STK32B: variants seen among roughly 807,000 people sequenced by gnomAD.
STK32B encodes serine/threonine kinase 32B, also known as serine/threonine-protein kinase 32B.
Under a neutral mutation model 52.6 loss-of-function variants are expected in STK32B, and 43 were observed. The observed-to-expected ratio is 0.82, with a 90% CI of 0.64 to 1.05. The LOEUF is 1.05. Among genes scored for constraint, STK32B ranks in the 50% least tolerant of loss-of-function variants. The pLI is 0.00. For missense variants in STK32B, 621 were observed against 534.6 expected (o/e 1.16, Z -1.59); for synonymous variants, 238 against 204.3 (o/e 1.17, Z -1.41).
Position 5,371,002 on chromosome 4 carries a change from A to ATATATATATGTATATATATG in STK32B, c.435-27203_435-27184dup, listed in dbSNP as rs1012001648. ...TATATATATGTGTGTGTGTGTATAT[A>ATATATATATGTATATATATG]TATATATATGTATATATATGTGTAT... On this transcript the variant is annotated intron_variant, in intron 4 of 11. Transcript: ENST00000282908. Among the ~76,000 whole-genome samples, 7 of 118,440 alleles carry ATATATATATGTATATATATG rather than the reference A, an allele frequency of 5.9e-5. No individual in the cohort carries two copies. The East Asian group carries it at 1.6e-3, about 27-fold the overall frequency. The allele number at this position is 118,440 out of a possible 152,430, so 77.7% of individuals were successfully genotyped here.
At chr4:5,221,762 A>G (rs753794937) in intron 3 of STK32B, among the ~76,000 whole-genome samples, 13 of 151,084 alleles carry the variant, frequency 8.6e-5, no homozygotes, top group Non-Finnish European at 1.6e-4. Flanking sequence ...AGACTGAGGC[A>G]GGAGAATCAC....
intron 11 of STK32B, among the ~76,000 whole-genome samples, chr4:5,482,267 G>C (rs1198137238): frequency 6.6e-6 from 1 of 152,164 alleles, no homozygotes; most frequent in Non-Finnish European, 1.5e-5. Context: ...TCGTTGAGCA[G>C]TGGTTTGTAG....
chr4:5,433,637 C>A (rs981562324), intron 6 of STK32B, among the ~76,000 whole-genome samples: 3 of 152,182 alleles, frequency 2.0e-5, no homozygotes, highest in African/African-American at 7.2e-5. Flanking sequence ...TTTAGTAATT[C>A]TGTGTTCCCA....
chr4:5,251,829 C>A (rs1229061065), intron 3 of STK32B, among the ~76,000 whole-genome samples: 1 of 151,978 alleles, frequency 6.6e-6, no homozygotes, highest in Non-Finnish European at 1.5e-5. Context: ...TCATTTTTTT[C>A]TCTTAATTTG....
intron 1 of STK32B, among the ~76,000 whole-genome samples, chr4:5,098,280 A>G (rs576241228): frequency 6.6e-6 from 1 of 152,352 alleles, no homozygotes; most frequent in South Asian, 2.1e-4. Flanking sequence ...ACAGTACTAC[A>G]GGAAAGGAAA....
chr4:5,074,355 G>C (rs1711958404), intron 1 of STK32B, among the ~76,000 whole-genome samples: 2 of 151,780 alleles, frequency 1.3e-5, no homozygotes. Context: ...ATATTTTCTA[G>C]TTCTAGGACT....
At chr4:5,064,005 T>C (rs1742315395) in intron 1 of STK32B, among the ~76,000 whole-genome samples, 2 of 152,132 alleles carry the variant, frequency 1.3e-5, no homozygotes, top group Non-Finnish European at 2.9e-5. Flanking sequence ...GTAGTCTGTC[T>C]TCTTTGATTG....
At chr4:5,339,972 A>G (rs887135653) in intron 4 of STK32B, among the ~76,000 whole-genome samples, 2 of 152,210 alleles carry the variant, frequency 1.3e-5, no homozygotes, top group South Asian at 2.1e-4. Flanking sequence ...GGATGGTGTT[A>G]TAGATCTTTA....
Position 5,399,786 on chromosome 4 carries a change from G to C in STK32B, c.472+1542G>C, listed in dbSNP as rs112201824. On this transcript the variant is annotated intron_variant, in intron 5 of 11. Coordinates refer to ENST00000282908, the MANE Select transcript of STK32B (RefSeq NM_018401.3). This position sits in a 1 kb window ranked among gnomAD's most constrained non-coding sequence, Gnocchi z 5.4. ...GAATGTCTCATCTCGGGTGAGACTC[G>C]AAGGTCAGCCACCCATCACAGTATG... is the stretch of plus-strand genomic sequence containing the variant. Among the ~76,000 whole-genome samples the C allele has an allele frequency of 2.0e-5, 3 of 152,100 alleles. No homozygotes were observed. The highest frequency in any genetic ancestry group is 4.4e-5 in the Non-Finnish European group (3 of 68,008).
Position 5,230,208 on chromosome 4 carries a change from T to TTTTG in STK32B, c.260+61759_260+61760insTTGT, listed in dbSNP as rs58022709. Among the ~76,000 whole-genome samples the TTTTG allele has an allele frequency of 2.4e-3, 246 of 103,448 alleles. 15 individuals carry two copies. Among genetic ancestry groups the TTTTG allele is most frequent in the Admixed American group, 7.3e-3 (60 of 8,226 alleles). The allele number at this position is 103,448 out of a possible 152,430, so 67.9% of individuals were successfully genotyped here. On this transcript the variant is annotated intron_variant, in intron 3 of 11. Transcript: ENST00000282908. ...TTTTTTTTTTTTTTTTTTTTTTTTT[T>TTTTG]TAGTGGAGTCTTGCACCGTCGCCCA...
chr4:5,292,753 G>A (rs914178473), intron 3 of STK32B, among the ~76,000 whole-genome samples: 1 of 151,698 alleles, frequency 6.6e-6, no homozygotes, highest in Non-Finnish European at 1.5e-5. Context: ...TATTTCCTAG[G>A]TTTTGCTCTA....
chr4:5,440,732 G>C (rs1714654700), intron 6 of STK32B, among the ~76,000 whole-genome samples: 1 of 152,124 alleles, frequency 6.6e-6, no homozygotes, highest in African/African-American at 2.4e-5. Flanking sequence ...TATGATATTG[G>C]CTGTGGGTTT....
intron 3 of STK32B, among the ~76,000 whole-genome samples, chr4:5,316,305 T>G (rs1251160213): frequency 5.2e-5 from 3 of 57,938 alleles, no homozygotes; most frequent in Non-Finnish European, 7.6e-5. Flanking sequence ...ATATATAATA[T>G]ATATATTGTA....
upstream of STK32B, among the ~76,000 whole-genome samples, chr4:5,047,131 A>G (rs1741635068): frequency 1.3e-5 from 2 of 152,242 alleles, 1 homozygote; most frequent in Admixed American, 1.3e-4. Flanking sequence ...AATGTGGTAC[A>G]TATACACCAC....
intron 4 of STK32B, among the ~76,000 whole-genome samples, chr4:5,382,460 G>T (rs934458609): frequency 2.6e-5 from 4 of 152,028 alleles, no homozygotes; most frequent in Non-Finnish European, 4.4e-5. Context: ...TCCTCCAAGG[G>T]CAATTGGCTC....
At chr4:5,431,418 C>T (rs1380903982) in intron 6 of STK32B, among the ~76,000 whole-genome samples, 2 of 152,160 alleles carry the variant, frequency 1.3e-5, no homozygotes, top group Non-Finnish European at 2.9e-5. Context: ...AGAAGTTCAT[C>T]TCAAGTTTCA....
intron 9 of STK32B, among the ~76,000 whole-genome samples, chr4:5,465,562 T>C (rs1017521452): frequency 6.6e-6 from 1 of 152,166 alleles, no homozygotes; most frequent in Non-Finnish European, 1.5e-5. Context: ...GCAGAGGGAA[T>C]GGCCAGTTGT....
chr4:5,019,459 G>T, the STK32B span: 2 of 1,448,788 alleles, frequency 1.4e-6, no homozygotes, highest in Non-Finnish European at 1.8e-6. Flanking sequence ...GCCAGGCGCT[G>T]GTGCAGCCTC....
rs28888102 is a variant in STK32B at position 5,092,705 on chromosome 4, C to T, written c.52+40790C>T. ...AGCAAGGGATGGTTGGGGTGCTACA[C>T]ACTTTTAAATGACCCGATCTCGTGA... On this transcript the variant is annotated intron_variant, in intron 1 of 11. Transcript: ENST00000282908. 1.3e-3 allele frequency among the ~76,000 whole-genome samples: 197 copies of T among 152,206 alleles called. 1 individual carries two copies. The highest frequency in any genetic ancestry group is 4.7e-3 in the African/African-American group (196 of 41,548).
Sources: gnomAD v4.1 joint callset for allele counts (sites outside exome capture counted in the v4.1 genomes callset) on GRCh38, gnomAD v4.1.1 for gene constraint, Gnocchi (gnomAD v3.1) non-coding constraint, MANE v1.5 for transcripts, NCBI Gene and HGNC (gene_info 2026-07-23, HGNC 2026-07-21) for gene names.